SIPA1L2: variants seen among roughly 807,000 people sequenced by gnomAD.
The protein encoded by SIPA1L2 is signal induced proliferation associated 1 like 2.
Under a neutral mutation model 163.9 loss-of-function variants are expected in SIPA1L2, and 56 were observed. The ratio of observed to expected loss-of-function variants is 0.34; its 90% CI spans 0.28 to 0.43. SIPA1L2 has a LOEUF of 0.43. Ranked by LOEUF, SIPA1L2 falls within the 20% of genes least tolerant of loss-of-function variation. The pLI, the probability that SIPA1L2 is intolerant of heterozygous loss-of-function variation, is 1.00. For synonymous variants in SIPA1L2, 877 were observed against 865.7 expected, an observed-to-expected ratio of 1.01 and a Z score of -0.23; for missense variants, 1,974 against 2,193.5, an observed-to-expected ratio of 0.90 and a Z score of 2.00.
intron 1 of SIPA1L2, among the ~76,000 whole-genome samples, chr1:232,584,233 C>CT (rs72230272): frequency 1.8e-4 from 27 of 147,392 alleles, no homozygotes; most frequent in East Asian, 3.9e-4. Flanking sequence ...TTAGTCCAAT[C>CT]TTTTTTTTTT....
intron 1 of SIPA1L2, among the ~76,000 whole-genome samples, chr1:232,620,161 G>A (rs1662727373): frequency 6.6e-6 from 1 of 152,188 alleles, no homozygotes; most frequent in Admixed American, 6.5e-5. Flanking sequence ...GGGATTATGG[G>A]CATGAGCCAC....
At chr1:232,450,496 G>C (rs1030911887) in intron 10 of SIPA1L2, among the ~76,000 whole-genome samples, 1 of 152,218 alleles carries the variant, frequency 6.6e-6, no homozygotes, top group Non-Finnish European at 1.5e-5. Context: ...AGCGTCACTG[G>C]ATGTTCAGGT....
At position 232,488,981 on chromosome 1, in the gene SIPA1L2, G is replaced by T. The variant is rs868817133; in HGVS notation, c.1806+1893C>A. Among the ~76,000 whole-genome samples the T allele has an allele frequency of 6.6e-5, 10 of 152,288 alleles. 1 individual carries two copies. The Middle Eastern group carries it at 0.01, about 155-fold the overall frequency. ...GACTGATGGTTACATCAGTCAACTT[G>T]TAGCTGCCATGATGTCTCTTTTCAC... On this transcript the variant is annotated intron_variant, in intron 5 of 22. Transcript: ENST00000674635.
chr1:232,400,096 G>A (rs1015454618), intron 22 of SIPA1L2, among the ~76,000 whole-genome samples: 2 of 152,096 alleles, frequency 1.3e-5, no homozygotes, highest in African/African-American at 4.8e-5. Context: ...CCACCTGCCT[G>A]GTCACTGGCC....
At chr1:232,431,212 TAGAC>T (rs1261056044) in intron 16 of SIPA1L2, among the ~76,000 whole-genome samples, 1 of 152,216 alleles carries the variant, frequency 6.6e-6, no homozygotes, top group Non-Finnish European at 1.5e-5. Context: ...AGACTCTTAT[TAGAC>T]AGAAATACCA....
chr1:232,563,994 T>TGTGA (rs1553313960), intron 2 of SIPA1L2, among the ~76,000 whole-genome samples: 1 of 133,980 alleles, frequency 7.5e-6, no homozygotes, highest in African/African-American at 3.4e-5. Context: ...TGTGTGTGTG[T>TGTGA]GTGATGGAGT....
At chr1:232,439,002 C>T in intron 15 of SIPA1L2, 106 bp downstream of exon 15, 1 of 1,212,348 alleles carries the variant, frequency 8.2e-7, no homozygotes, top group Non-Finnish European at 1.1e-6. Context: ...ATTACACCAA[C>T]CTACCTGATG....
intron 3 of SIPA1L2, among the ~76,000 whole-genome samples, chr1:232,498,765 T>C (rs74144354): frequency 0.038 from 5,710 of 152,242 alleles, 378 homozygotes; most frequent in African/African-American, 0.13. Context: ...TGTGATTGCA[T>C]TTAGGTCCCA....
At chr1:232,450,751 C>T (rs1270787406) in intron 10 of SIPA1L2, among the ~76,000 whole-genome samples, 1 of 152,174 alleles carries the variant, frequency 6.6e-6, no homozygotes, top group Non-Finnish European at 1.5e-5. Context: ...AGTAGTGTGG[C>T]CTACTTAATT....
intron 2 of SIPA1L2, among the ~76,000 whole-genome samples, chr1:232,530,676 C>T (rs1656862562): frequency 6.6e-6 from 1 of 152,142 alleles, no homozygotes; most frequent in African/African-American, 2.4e-5. Context: ...TTATACCCTG[C>T]TTCCTGGACT....
intron 10 of SIPA1L2, among the ~76,000 whole-genome samples, chr1:232,454,018 G>A (rs758854588): frequency 7.9e-5 from 12 of 152,018 alleles, no homozygotes; most frequent in Non-Finnish European, 1.8e-4. Flanking sequence ...CAAGGTGACA[G>A]GGGTAATTGA....
intron 1 of SIPA1L2, among the ~76,000 whole-genome samples, chr1:232,575,107 T>G (rs1285681): frequency 0.28 from 43,019 of 152,130 alleles, 6,532 homozygotes; most frequent in East Asian, 0.56. Context: ...CCAAGCGCCC[T>G]AGGGCTCACA....
At position 232,403,466 on chromosome 1, in the gene SIPA1L2, T is replaced by C; in HGVS notation, c.4922A>G (p.Glu1641Gly). The change falls in exon 21 of 23, where the codon GAG becomes GGG. Residue 1641 changes from glutamate to glycine, a missense_variant. By Grantham distance (98) the Glu-to-Gly change is moderately conservative. This residue lies in a region of SIPA1L2 where 1,079 missense variants were observed against 1,150.7 expected (regional missense o/e 0.94). Transcript: ENST00000674635. Reference sequence around the variant, plus strand: ...CACATACCCAGTTGTGTCCATGAACTCTTTGCCACTGCCTGGATCTACACA... The same window carrying C: ...CACATACCCAGTTGTGTCCATGAACCCTTTGCCACTGCCTGGATCTACACA... ...PLCVDPGSGK[E>G]FMDTTGERSP... 1 of 1,585,714 alleles carries C rather than the reference T, an allele frequency of 6.3e-7. No individual in the cohort carries two copies. Among genetic ancestry groups the C allele is most frequent in the Middle Eastern group, 1.7e-4 (1 of 5,958 alleles).
intron 10 of SIPA1L2, among the ~76,000 whole-genome samples, chr1:232,456,538 C>T (rs948909256): frequency 6.6e-6 from 1 of 152,146 alleles, no homozygotes. Context: ...AATTTCATTT[C>T]CATTTTTATT....
At chr1:232,587,830 G>T (rs762422257) in intron 1 of SIPA1L2, among the ~76,000 whole-genome samples, 5 of 151,706 alleles carry the variant, frequency 3.3e-5, no homozygotes, top group Non-Finnish European at 7.4e-5. Context: ...TGTTCTTGTG[G>T]CAGTGAATAA....
intron 5 of SIPA1L2, among the ~76,000 whole-genome samples, chr1:232,488,648 G>A (rs990387255): frequency 9.2e-5 from 14 of 152,274 alleles, no homozygotes; most frequent in African/African-American, 3.1e-4. Flanking sequence ...CTAGAGATAC[G>A]AAATGCGTGG....
At chr1:232,507,373 C>T (rs1244099519) in intron 3 of SIPA1L2, among the ~76,000 whole-genome samples, 1 of 152,096 alleles carries the variant, frequency 6.6e-6, no homozygotes, top group Non-Finnish European at 1.5e-5. Flanking sequence ...ACAGGACTTA[C>T]CACTGTTGAT....
intron 12 of SIPA1L2, among the ~76,000 whole-genome samples, chr1:232,442,705 T>C (rs961919434): frequency 2.1e-4 from 32 of 152,200 alleles, no homozygotes; most frequent in African/African-American, 7.7e-4. Flanking sequence ...GTTGAAGACC[T>C]TGGTTTACAG....
intron 3 of SIPA1L2, among the ~76,000 whole-genome samples, chr1:232,497,299 C>T (rs34461288): frequency 6.6e-6 from 1 of 152,052 alleles, no homozygotes; most frequent in African/African-American, 2.4e-5. Flanking sequence ...TTAGAAAAGT[C>T]AATTTTACTG....
Sources: gnomAD v4.1 joint callset for allele counts (sites outside exome capture counted in the v4.1 genomes callset) on GRCh38, gnomAD v4.1.1 for gene constraint, gnomAD v4.1.1 regional missense constraint, MANE v1.5 for transcripts, NCBI Gene and HGNC (gene_info 2026-07-23, HGNC 2026-07-21) for gene names.